CEMIP: variants seen among roughly 807,000 people sequenced by gnomAD.
CEMIP encodes cell migration-inducing and hyaluronan-binding protein.
In CEMIP, 105 loss-of-function variants were observed where a neutral mutation model predicts 156.9. The ratio of observed to expected loss-of-function variants is 0.67; its 90% CI spans 0.57 to 0.79. The LOEUF (loss-of-function observed/expected upper bound fraction) is 0.79. CEMIP is among the 30% of genes least tolerant of loss of function. The probability of loss-of-function intolerance (pLI) is 0.00; values close to 1 mark genes in which losing one functional copy is unlikely to be tolerated. For missense variants in CEMIP, 1,457 were observed against 1,769.4 expected, an observed-to-expected ratio of 0.82 and a Z score of 3.17; for synonymous variants, 676 against 668.4, an observed-to-expected ratio of 1.01 and a Z score of -0.17.
rs919201277 is a variant in CEMIP at position 80,933,572 on chromosome 15, A to AT, written c.3009+121dup. On this transcript the variant is annotated intron_variant, in intron 23 of 29. Coordinates refer to ENST00000394685, the MANE Select transcript of CEMIP (RefSeq NM_001293298.2). ...GTTTCAGGCCAGAAAGAGATACAGA[A>AT]TTTTTTTTTCTTTTTCTTTCTTTCC... 268 of 803,856 alleles carry AT rather than the reference A, an allele frequency of 3.3e-4. 1 individual carries two copies. Among genetic ancestry groups the AT allele is most frequent in the South Asian group, 6.6e-4 (33 of 49,868 alleles). The allele number at this position is 803,856 out of a possible 1,614,324, so 49.8% of individuals were successfully genotyped here.
chr15:80,922,274 G>T, intron 17 of CEMIP, 137 bp downstream of exon 17: 1 of 1,199,782 alleles, frequency 8.3e-7, no homozygotes. Context: ...GAAGAAAATG[G>T]AGCAGCCTTG....
At chr15:80,868,794 A>G (rs1041541989) in intron 1 of CEMIP, among the ~76,000 whole-genome samples, 2 of 152,234 alleles carry the variant, frequency 1.3e-5, no homozygotes, top group Non-Finnish European at 2.9e-5. Context: ...AAATTCGTCA[A>G]TATATGAAAA....
chr15:80,885,165 C>T (rs1270518977), intron 7 of CEMIP, among the ~76,000 whole-genome samples: 3 of 152,160 alleles, frequency 2.0e-5, no homozygotes. Context: ...CAAATCTCAG[C>T]TCAGTGGAAA....
chr15:80,942,589 C>A (rs1901385053), intron 27 of CEMIP, among the ~76,000 whole-genome samples: 1 of 152,210 alleles, frequency 6.6e-6, no homozygotes, highest in Admixed American at 6.5e-5. Flanking sequence ...TCCTGAGTGT[C>A]TGCGTCTCAC....
At chr15:80,813,348 G>A (rs1481693969) in intron 1 of CEMIP, among the ~76,000 whole-genome samples, 4 of 140,148 alleles carry the variant, frequency 2.9e-5, no homozygotes, top group Non-Finnish European at 6.1e-5. Flanking sequence ...GCAGCAGTAC[G>A]GATTTTTTTT....
intron 7 of CEMIP, among the ~76,000 whole-genome samples, chr15:80,886,117 C>T (rs17248476): frequency 0.12 from 17,500 of 152,086 alleles, 1,076 homozygotes; most frequent in Non-Finnish European, 0.13. Context: ...AAATTGGTGA[C>T]GGGGCATGAG....
chr15:80,808,547 A>G (rs752070640), intron 1 of CEMIP, among the ~76,000 whole-genome samples: 13 of 152,234 alleles, frequency 8.5e-5, no homozygotes, highest in African/African-American at 1.2e-4. Context: ...GCATCATCAC[A>G]GATGAATAAA....
intron 1 of CEMIP, among the ~76,000 whole-genome samples, chr15:80,832,423 T>C (rs1596119425): frequency 6.6e-6 from 1 of 151,800 alleles, no homozygotes; most frequent in South Asian, 2.1e-4. Flanking sequence ...GCTTGTGACC[T>C]GTTTGGTCCA....
intron 1 of CEMIP, among the ~76,000 whole-genome samples, chr15:80,801,232 C>T (rs1003986347): frequency 2.0e-5 from 3 of 152,204 alleles, no homozygotes; most frequent in Non-Finnish European, 4.4e-5. Flanking sequence ...TATTATTGTC[C>T]TGTGGGTCAA....
chr15:80,934,502 T>C (rs574605873), intron 23 of CEMIP, among the ~76,000 whole-genome samples: 1 of 152,298 alleles, frequency 6.6e-6, no homozygotes, highest in African/African-American at 2.4e-5. Flanking sequence ...GAGAGAGGCC[T>C]GAGAAAATGA....
rs1282894689 is a variant in CEMIP at position 80,880,951 on chromosome 15, G to T, written c.432G>T (p.Gly144=). ...PDPYYGLKYI[G]VGKGGALELH... ...CTTACTATGGTCTGAAGTACATTGG[G>T]GTTGGTAAAGGAGGCGCTCTTGAGT... Residue 144 remains glycine (G), a synonymous_variant, in exon 6 of 30, where the codon GGG becomes GGT. Coordinates refer to ENST00000394685, the MANE Select transcript of CEMIP (RefSeq NM_001293298.2). The T allele has an allele frequency of 2.5e-6, 4 of 1,614,084 alleles. No homozygotes were observed. Among genetic ancestry groups the T allele is most frequent in the Non-Finnish European group, 3.4e-6 (4 of 1,180,048 alleles).
intron 1 of CEMIP, among the ~76,000 whole-genome samples, chr15:80,831,244 G>A (rs535579192): frequency 1.3e-5 from 2 of 152,300 alleles, no homozygotes; most frequent in Admixed American, 1.3e-4. Context: ...GTTTAGGCAA[G>A]GTTGTGAATT....
chr15:80,896,179 AC>A (rs1176669003), intron 12 of CEMIP, 119 bp downstream of exon 12: 3 of 1,054,696 alleles, frequency 2.8e-6, no homozygotes, highest in Non-Finnish European at 4.4e-6. Context: ...ATGCTGCATA[AC>A]AAAAAAAATC....
Position 80,895,057 on chromosome 15 carries a change from T to G in CEMIP, c.1154T>G (p.Phe385Cys). The G allele has an allele frequency of 1.2e-6, 2 of 1,614,244 alleles. No individual in the cohort carries two copies. Among genetic ancestry groups the G allele is most frequent in the Non-Finnish European group, 1.7e-6 (2 of 1,180,032 alleles). ...VVYKKGQDYRFACYDRGRACR... is the reference protein window; with the variant it reads ...VVYKKGQDYRCACYDRGRACR... ...TACAAAAAAGGCCAGGATTATAGGT[T>G]TGCTTGCTACGACCGGGGCAGAGCC... Residue 385 changes from phenylalanine to cysteine, a missense_variant, in exon 11 of 30, where the codon TTT (phenylalanine) becomes TGT (cysteine). Around this residue, in one of 5 missense-constraint regions of CEMIP, gnomAD observed 280 missense variants for 300.3 expected, o/e 0.93. Transcript: ENST00000394685.
At chr15:80,898,263 G>A (rs530493836) in intron 12 of CEMIP, among the ~76,000 whole-genome samples, 25 of 152,310 alleles carry the variant, frequency 1.6e-4, no homozygotes, top group East Asian at 3.9e-4. Flanking sequence ...AGACAATTAC[G>A]TAATCTTTCT....
intron 1 of CEMIP, among the ~76,000 whole-genome samples, chr15:80,824,816 T>C (rs1896993971): frequency 6.6e-6 from 1 of 152,224 alleles, no homozygotes; most frequent in South Asian, 2.1e-4. Context: ...GGGTGGGTGC[T>C]TATGTTTCTG....
intron 1 of CEMIP, among the ~76,000 whole-genome samples, chr15:80,789,728 T>C (rs1480112284): frequency 6.6e-6 from 1 of 152,224 alleles, no homozygotes; most frequent in East Asian, 1.9e-4. Context: ...TTCTACATTT[T>C]AAAATCACAG....
Position 80,881,119 on chromosome 15 carries a change from A to C in CEMIP, c.600A>C (p.Thr200=). The C allele has an allele frequency of 6.2e-7, 1 of 1,614,114 alleles. No homozygotes were observed. The highest frequency in any genetic ancestry group is 8.5e-7 in the Non-Finnish European group (1 of 1,179,918). The part of the protein sequence containing the change: ...IVHVIDPKSG[T]VIHSDRFDTY... Reference sequence around the variant, plus strand: ...ATGTCATCGACCCCAAATCAGGCACAGTCATCCATTCTGACCGGTAAGGTT... The same window carrying C: ...ATGTCATCGACCCCAAATCAGGCACCGTCATCCATTCTGACCGGTAAGGTT... Residue 200 remains threonine, a synonymous_variant, in exon 6 of 30, where the codon ACA becomes ACC. Transcript: ENST00000394685.
At chr15:80,847,950 A>T (rs1897603713) in intron 1 of CEMIP, among the ~76,000 whole-genome samples, 1 of 152,200 alleles carries the variant, frequency 6.6e-6, no homozygotes, top group Non-Finnish European at 1.5e-5. Context: ...TGAAGTCACG[A>T]TGCACAGCTC....
Sources: gnomAD v4.1 joint callset for allele counts (sites outside exome capture counted in the v4.1 genomes callset) on GRCh38, gnomAD v4.1.1 for gene constraint, gnomAD v4.1.1 regional missense constraint, MANE v1.5 for transcripts, NCBI Gene and HGNC (gene_info 2026-07-23, HGNC 2026-07-21) for gene names.